The following ADCY2 variants were observed in gnomAD, a reference collection of about 807,000 sequenced individuals.
ADCY2 encodes adenylate cyclase type 2.
ADCY2 carries 31 observed loss-of-function variants against 125.2 expected under a neutral mutation model. The ratio of observed to expected loss-of-function variants is 0.25; its 90% CI spans 0.19 to 0.33. The LOEUF (loss-of-function observed/expected upper bound fraction) is 0.33. Ranked by LOEUF, ADCY2 falls within the 10% of genes least tolerant of loss-of-function variation. ADCY2 has a pLI of 1.00. For synonymous variants in ADCY2, 512 were observed against 548.4 expected (o/e 0.93, Z 0.93); for missense variants, 904 against 1,418.2 (o/e 0.64, Z 5.82).
In ADCY2 at chr5:7,504,697, C is replaced by T. The variant is rs1013163903; in HGVS notation, c.409-16041C>T. Reference sequence around the variant, plus strand: ...GTGCGATCTTGGGTGGTTGCAGAGACAGGGTTTAACTGTGTTTCCTAGGCT... The same window carrying T: ...GTGCGATCTTGGGTGGTTGCAGAGATAGGGTTTAACTGTGTTTCCTAGGCT... On this transcript the variant is annotated intron_variant, in intron 2 of 24. Coordinates refer to ENST00000338316, the MANE Select transcript of ADCY2 (RefSeq NM_020546.3). Among the ~76,000 whole-genome samples the T allele has an allele frequency of 6.7e-5, 10 of 149,392 alleles. 1 individual carries two copies. The highest frequency in any genetic ancestry group is 2.0e-4 in the African/African-American group (8 of 40,400).
In ADCY2 at chr5:7,454,435, C is replaced by T. The variant is rs889550197; in HGVS notation, c.408+39665C>T. Among the ~76,000 whole-genome samples, 8 of 152,200 alleles carry T rather than the reference C, an allele frequency of 5.3e-5. No individual in the cohort carries two copies. The South Asian group carries it at 1.7e-3, about 32-fold the overall frequency. ...CAACCTACAATATTAGTGATGTATGCGTCTATTTACTTTTCAATTCCCAAT... is the reference window on the plus strand; with the variant it reads ...CAACCTACAATATTAGTGATGTATGTGTCTATTTACTTTTCAATTCCCAAT... On this transcript the variant is annotated intron_variant, in intron 2 of 24. Coordinates refer to ENST00000338316, the MANE Select transcript of ADCY2 (RefSeq NM_020546.3).
chr5:7,537,680 A>T (rs550937803), intron 3 of ADCY2, among the ~76,000 whole-genome samples: 1 of 152,318 alleles, frequency 6.6e-6, no homozygotes, highest in Middle Eastern at 3.4e-3. Flanking sequence ...TCTAAAACTC[A>T]AGTCTGCCTT....
At chr5:7,461,074 C>T (rs961058353) in intron 2 of ADCY2, among the ~76,000 whole-genome samples, 1 of 152,168 alleles carries the variant, frequency 6.6e-6, no homozygotes, top group Non-Finnish European at 1.5e-5. Flanking sequence ...GTCCACTGCC[C>T]CCATTCCCAT....
intron 2 of ADCY2, among the ~76,000 whole-genome samples, chr5:7,512,237 A>AAAAAAAAAAAAAAAAAAAC (rs1321529228): frequency 6.7e-6 from 1 of 149,696 alleles, no homozygotes; most frequent in Non-Finnish European, 1.5e-5. Context: ...AAAAAAAAAA[A>AAAAAAAAAAAAAAAAAAAC]AAAGAAAACC....
chr5:7,436,280 C>G (rs1195444450), intron 2 of ADCY2, among the ~76,000 whole-genome samples: 2 of 152,146 alleles, frequency 1.3e-5, no homozygotes, highest in East Asian at 1.9e-4. Context: ...GACATAACTA[C>G]CTCGAGTAAA....
intron 22 of ADCY2, among the ~76,000 whole-genome samples, chr5:7,808,335 C>G (rs1262961576): frequency 6.6e-6 from 1 of 152,186 alleles, no homozygotes; most frequent in African/African-American, 2.4e-5. Context: ...AATGATCACC[C>G]GTGTTTGTTC....
chr5:7,804,389 T>C (rs1231790080), intron 21 of ADCY2, among the ~76,000 whole-genome samples, 196 bp from the exon 22 acceptor site: 2 of 152,222 alleles, frequency 1.3e-5, no homozygotes, highest in African/African-American at 4.8e-5. Flanking sequence ...TGCTGTACTT[T>C]CCTCCAAGGA....
chr5:7,664,579 A>G (rs2126696821), intron 4 of ADCY2, among the ~76,000 whole-genome samples: 1 of 152,342 alleles, frequency 6.6e-6, no homozygotes, highest in Admixed American at 6.5e-5. Context: ...GTGACCCTGT[A>G]TATCATGACT....
At chr5:7,658,182 T>G (rs1200087327) in intron 4 of ADCY2, 1 of 152,286 alleles carries the variant, frequency 6.6e-6, no homozygotes, top group African/African-American at 2.4e-5. Flanking sequence ...TGGACTGTTT[T>G]GAACCCCTGC....
intron 16 of ADCY2, among the ~76,000 whole-genome samples, chr5:7,762,726 ATT>A (rs33995059): frequency 2.0e-5 from 3 of 149,070 alleles, no homozygotes; most frequent in Admixed American, 6.7e-5. Flanking sequence ...TTTTCTCCGT[ATT>A]TTTTTTTTTC....
intron 2 of ADCY2, among the ~76,000 whole-genome samples, chr5:7,518,786 A>C (rs1310451930): frequency 6.6e-6 from 1 of 152,072 alleles, no homozygotes; most frequent in Non-Finnish European, 1.5e-5. Context: ...CTCAGAGTCC[A>C]CCCTGTTGTC....
At chr5:7,774,789 A>G (rs1743668698) in intron 18 of ADCY2, among the ~76,000 whole-genome samples, 1 of 152,182 alleles carries the variant, frequency 6.6e-6, no homozygotes, top group South Asian at 2.1e-4. Context: ...CTTCACTTCC[A>G]TCAGTAAAGC....
At chr5:7,800,790 C>T (rs1018568250) in intron 20 of ADCY2, 1 of 152,180 alleles carries the variant, frequency 6.6e-6, no homozygotes, top group African/African-American at 2.4e-5. Flanking sequence ...CTAGGGGGTT[C>T]TCATCCCTGT....
chr5:7,562,639 AG>A (rs2126589915), intron 3 of ADCY2, among the ~76,000 whole-genome samples: 1 of 152,220 alleles, frequency 6.6e-6, no homozygotes, highest in East Asian at 1.9e-4. Context: ...ACAGACAGAC[AG>A]ACATAGACAG....
At chr5:7,645,421 G>C (rs1312118637) in intron 4 of ADCY2, among the ~76,000 whole-genome samples, 1 of 152,090 alleles carries the variant, frequency 6.6e-6, no homozygotes, top group Non-Finnish European at 1.5e-5. Context: ...ATAAAGGCCA[G>C]GATATACTTT....
rs1313030665 is a variant in ADCY2 at position 7,804,687 on chromosome 5, T to G, written c.2878T>G (p.Ser960Ala). 1.9e-6 allele frequency: 3 copies of G among 1,613,808 alleles called. No individual in the cohort carries two copies. The highest frequency in any genetic ancestry group is 2.2e-5 in the South Asian group (2 of 91,074). ...GAGCGCTGTGCCCAGCCAGGAGCACTCCCAGGTAAGACGCGTTGGCCACTT... is the reference window on the plus strand; with the variant it reads ...GAGCGCTGTGCCCAGCCAGGAGCACGCCCAGGTAAGACGCGTTGGCCACTT... ...GLSAVPSQEH[S>A]QEPERQYMHI... is the part of the protein sequence containing the mutation. Residue 960 changes from serine (S) to alanine (A), a missense_variant, in exon 22 of 25, where the codon TCC becomes GCC. Around this residue, in one of 7 missense-constraint regions of ADCY2, gnomAD observed 181 missense variants for 381.6 expected, o/e 0.47. Coordinates refer to ENST00000338316, the MANE Select transcript of ADCY2 (RefSeq NM_020546.3).
At chr5:7,722,200 G>T (rs374770600) in intron 12 of ADCY2, among the ~76,000 whole-genome samples, 2 of 152,166 alleles carry the variant, frequency 1.3e-5, no homozygotes, top group African/African-American at 4.8e-5. Flanking sequence ...CACCACATGG[G>T]TTCTGGGGAC....
At chr5:7,602,493 T>G (rs1737249002) in intron 3 of ADCY2, among the ~76,000 whole-genome samples, 1 of 152,156 alleles carries the variant, frequency 6.6e-6, no homozygotes, top group Non-Finnish European at 1.5e-5. Context: ...ACTCTTACCT[T>G]TCAACATTTT....
intron 3 of ADCY2, among the ~76,000 whole-genome samples, chr5:7,591,079 T>C (rs553645963): frequency 4.6e-5 from 7 of 152,248 alleles, no homozygotes; most frequent in Non-Finnish European, 7.3e-5. Flanking sequence ...TTGAAATTGC[T>C]CACGTGATTA....
Sources: allele counts gnomAD v4.1 joint callset (sites outside exome capture counted in the v4.1 genomes callset), GRCh38; gene constraint gnomAD v4.1.1; regional missense constraint gnomAD v4.1.1; transcripts MANE v1.5; gene names NCBI Gene and HGNC (gene_info 2026-07-23, HGNC 2026-07-21).